Variants in ATG14 observed in about 807,000 individuals in gnomAD.
ATG14 encodes the protein beclin 1-associated autophagy-related key regulator.
ATG14 carries 35 observed loss-of-function variants against 60.4 expected under a neutral mutation model. That is an observed-to-expected ratio of 0.58 (90% CI 0.44 to 0.77). ATG14 has a LOEUF of 0.77. Ranked by LOEUF, ATG14 falls within the 30% of genes least tolerant of loss-of-function variation. ATG14 has a pLI of 0.00. For synonymous variants in ATG14, 234 were observed against 228.8 expected, an observed-to-expected ratio of 1.02 and a Z score of -0.21; for missense variants, 647 against 626.3, an observed-to-expected ratio of 1.03 and a Z score of -0.35.
At position 55,369,566 on chromosome 14, in the gene ATG14, A is replaced by G; in HGVS notation, c.*53T>C. On this transcript the variant is annotated 3_prime_UTR_variant, in exon 10 of 10. Coordinates refer to ENST00000247178, the MANE Select transcript of ATG14 (RefSeq NM_014924.5). ...AAACAGAAAATGTTTACTAGAGTGT[A>G]GTGGGAGAAGAACTTTCTTGATGCA... 7.1e-7 allele frequency: 1 copy of G among 1,399,074 alleles called. No individual in the cohort carries two copies. Among genetic ancestry groups the G allele is most frequent in the Non-Finnish European group, 9.6e-7 (1 of 1,044,322 alleles). 86.7% of individuals were successfully genotyped at this position (1,399,074 alleles called of 1,614,324 possible).
intron 3 of ATG14, among the ~76,000 whole-genome samples, chr14:55,393,886 T>G (rs1226604889): frequency 1.3e-5 from 2 of 152,036 alleles, no homozygotes; most frequent in Non-Finnish European, 2.9e-5. Flanking sequence ...TTAAAATACA[T>G]AAATGAAATC....
chr14:55,370,166 A>T (rs1171609155), intron 9 of ATG14, among the ~76,000 whole-genome samples: 3 of 152,184 alleles, frequency 2.0e-5, no homozygotes, highest in African/African-American at 4.8e-5. Context: ...TGCCTACTTC[A>T]TTGGTGATGA....
intron 3 of ATG14, among the ~76,000 whole-genome samples, chr14:55,393,101 A>G (rs1433329465): frequency 2.0e-5 from 3 of 152,168 alleles, no homozygotes; most frequent in South Asian, 2.1e-4. Flanking sequence ...GAAATATATG[A>G]CTGGGCGCGG....
chr14:55,371,847 C>A (rs1884826190), intron 9 of ATG14, among the ~76,000 whole-genome samples: 1 of 152,012 alleles, frequency 6.6e-6, no homozygotes, highest in Non-Finnish European at 1.5e-5. Flanking sequence ...ACTAGGGGTG[C>A]TCTCAAGTTT....
intron 4 of ATG14, among the ~76,000 whole-genome samples, chr14:55,388,948 CT>C (rs913362225): frequency 3.4e-5 from 5 of 148,908 alleles, no homozygotes; most frequent in African/African-American, 4.9e-5. Context: ...CACGTTGAAG[CT>C]TTTTTTTTTC....
chr14:55,410,843 T>C (rs187181982), intron 1 of ATG14, among the ~76,000 whole-genome samples: 290 of 152,354 alleles, frequency 1.9e-3, no homozygotes, highest in Non-Finnish European at 2.4e-3. Context: ...CACTAAATTG[T>C]TGAAACATAA....
chr14:55,402,964 T>TATATATAAATATAA (rs1233704845), intron 1 of ATG14, among the ~76,000 whole-genome samples: 1 of 59,768 alleles, frequency 1.7e-5, no homozygotes, highest in Non-Finnish European at 3.2e-5. Flanking sequence ...TATATATATA[T>TATATATAAATATAA]ATATAAATAG....
intron 1 of ATG14, among the ~76,000 whole-genome samples, chr14:55,399,469 T>C (rs1885364839): frequency 6.6e-6 from 1 of 152,220 alleles, no homozygotes; most frequent in Non-Finnish European, 1.5e-5. Flanking sequence ...CAATGTGGAA[T>C]GTGGATGAAC....
chr14:55,382,600 C>T (rs746405590), intron 5 of ATG14, among the ~76,000 whole-genome samples: 9 of 152,106 alleles, frequency 5.9e-5, no homozygotes, highest in Non-Finnish European at 1.0e-4. Context: ...CATGAGCTAC[C>T]GTGACCAGCC....
At chr14:55,395,359 T>G (rs1885296164) in intron 3 of ATG14, 1 of 211,086 alleles carries the variant, frequency 4.7e-6, no homozygotes, top group Non-Finnish European at 9.4e-6. Context: ...AATTTTTTGT[T>G]TGTTTGTTTG....
In ATG14 at chr14:55,411,658, G is replaced by C; in HGVS notation, c.165C>G (p.Cys55Trp). ...AATCGCCGCTCTGAACGCATTTGGC[G>C]CAGGTCAGCCGCCGGCGGGTAGTGT... ...LCNTTRRRLT[C>W]AKCVQSGDFV... The change falls in exon 1 of 10, where the codon TGC (cysteine) becomes TGG (tryptophan). Residue 55 changes from cysteine (C) to tryptophan (W), a missense_variant. Cys to Trp is a radical substitution (Grantham distance 215). Coordinates refer to ENST00000247178, the MANE Select transcript of ATG14 (RefSeq NM_014924.5). 6.2e-7 allele frequency: 1 copy of C among 1,613,464 alleles called. No individual in the cohort carries two copies. Among genetic ancestry groups the C allele is most frequent in the Non-Finnish European group, 8.5e-7 (1 of 1,179,902 alleles).
intron 1 of ATG14, among the ~76,000 whole-genome samples, chr14:55,410,997 C>G (rs1885562052): frequency 1.3e-5 from 2 of 152,196 alleles, no homozygotes; most frequent in Admixed American, 1.3e-4. Context: ...AGCTCCCAAT[C>G]TGAATTTTAA....
Position 55,394,008 on chromosome 14 carries a change from T to A in ATG14, c.327+1932A>T, listed in dbSNP as rs1885269462. Among the ~76,000 whole-genome samples the A allele has an allele frequency of 2.7e-5, 4 of 149,546 alleles. No homozygotes were observed. In the South Asian group the frequency reaches 8.5e-4, roughly 32 times the overall value. On this transcript the variant is annotated intron_variant, in intron 3 of 9. Transcript: ENST00000247178. ...TTAACAACTACACAGTATCATAATT[T>A]TTTTTTTTTTTTTTTTGAGATGGAG...
At chr14:55,370,138 C>G (rs1455572704) in intron 9 of ATG14, among the ~76,000 whole-genome samples, 1 of 152,164 alleles carries the variant, frequency 6.6e-6, no homozygotes, top group Non-Finnish European at 1.5e-5. Flanking sequence ...ATCATGATAC[C>G]ACACTTTCCC....
chr14:55,370,645 C>CTT (rs1019390150), intron 9 of ATG14, among the ~76,000 whole-genome samples: 2 of 146,600 alleles, frequency 1.4e-5, no homozygotes, highest in Non-Finnish European at 3.0e-5. Context: ...TTCTGCATTT[C>CTT]TTTTTTTTTT....
intron 1 of ATG14, among the ~76,000 whole-genome samples, chr14:55,407,570 G>C (rs1490552415): frequency 6.6e-6 from 1 of 152,188 alleles, no homozygotes; most frequent in Non-Finnish European, 1.5e-5. Context: ...CAACCCCTAT[G>C]TTGAGTTTTA....
intron 9 of ATG14, among the ~76,000 whole-genome samples, chr14:55,376,706 A>AG (rs1315621448): frequency 1.3e-5 from 2 of 152,202 alleles, no homozygotes; most frequent in African/African-American, 4.8e-5. Context: ...ATGATGCGGA[A>AG]GGGAAACCCA....
intron 1 of ATG14, among the ~76,000 whole-genome samples, chr14:55,405,346 C>T (rs1885471847): frequency 1.3e-5 from 2 of 152,166 alleles, no homozygotes; most frequent in Admixed American, 6.5e-5. Context: ...ATCCTTTATC[C>T]CATTTCTCAA....
chr14:55,391,131 C>A, intron 3 of ATG14, 139 bp from the exon 4 acceptor site: 1 of 589,942 alleles, frequency 1.7e-6, no homozygotes, highest in South Asian at 2.2e-5. Context: ...GCTTTTGTAA[C>A]TATGGAACAT....
Sources: gnomAD v4.1 joint callset for allele counts (sites outside exome capture counted in the v4.1 genomes callset) on GRCh38, gnomAD v4.1.1 for gene constraint, MANE v1.5 for transcripts, NCBI Gene and HGNC (gene_info 2026-07-23, HGNC 2026-07-21) for gene names.